The following SOX6 variants were observed in gnomAD, a reference collection of about 807,000 sequenced individuals.
SOX6 encodes transcription factor SOX-6.
Under a neutral mutation model 97.8 loss-of-function variants are expected in SOX6, and 11 were observed. That is an observed-to-expected ratio of 0.11 (90% CI 0.07 to 0.19). SOX6 has a LOEUF of 0.19. SOX6 is among the 10% of genes least tolerant of loss of function. The pLI is 1.00. For missense variants in SOX6, 810 were observed against 1,039.5 expected (o/e 0.78, Z 3.04); for synonymous variants, 360 against 371.4 (o/e 0.97, Z 0.35).
At chr11:16,074,889 C>T (rs1037907086) in intron 9 of SOX6, among the ~76,000 whole-genome samples, 1 of 151,854 alleles carries the variant, frequency 6.6e-6, no homozygotes, top group African/African-American at 2.4e-5. Context: ...CATATAGAAC[C>T]AAAAAAGAGC....
At chr11:15,977,692 A>G (rs957640073) in intron 15 of SOX6, among the ~76,000 whole-genome samples, 2 of 152,102 alleles carry the variant, frequency 1.3e-5, no homozygotes, top group Non-Finnish European at 1.5e-5. Context: ...ATACACTGCC[A>G]TACTTACTAG....
intron 9 of SOX6, among the ~76,000 whole-genome samples, chr11:16,073,831 CT>C (rs1848282547): frequency 6.6e-6 from 1 of 152,250 alleles, no homozygotes; most frequent in Non-Finnish European, 1.5e-5. Context: ...CAACATGCTC[CT>C]GGATGACTTT....
intron 9 of SOX6, among the ~76,000 whole-genome samples, chr11:16,081,650 G>A (rs953608218): frequency 8.5e-5 from 13 of 152,058 alleles, no homozygotes; most frequent in Admixed American, 6.6e-4. Flanking sequence ...TGGGTCAGAG[G>A]TTCAAATCAG....
At chr11:15,986,505 T>C in intron 14 of SOX6, 85 bp from the exon 15 acceptor site, 1 of 1,311,698 alleles carries the variant, frequency 7.6e-7, no homozygotes, top group Non-Finnish European at 1.1e-6. Flanking sequence ...TTCCCATCAC[T>C]TCACTCATCT....
chr11:16,350,134 T>C (rs2134356996), intron 1 of SOX6, among the ~76,000 whole-genome samples: 1 of 152,302 alleles, frequency 6.6e-6, no homozygotes, highest in Non-Finnish European at 1.5e-5. Flanking sequence ...AGAATACAAA[T>C]CCAGACATTA....
chr11:16,596,146 G>C (rs974619118), intron 4 of SOX6, among the ~76,000 whole-genome samples: 2 of 152,122 alleles, frequency 1.3e-5, no homozygotes, highest in Admixed American at 6.5e-5. Context: ...GATCATGCTT[G>C]TCCATTTTCT....
chr11:16,513,108 T>A (rs562063478), intron 4 of SOX6, among the ~76,000 whole-genome samples: 15 of 152,294 alleles, frequency 9.8e-5, no homozygotes, highest in Non-Finnish European at 2.2e-4. Flanking sequence ...CAACACATTG[T>A]TAGGTTAGAA....
At chr11:16,184,410 T>C (rs140108472) in intron 5 of SOX6, among the ~76,000 whole-genome samples, 38 of 152,258 alleles carry the variant, frequency 2.5e-4, no homozygotes, top group Admixed American at 4.6e-4. Flanking sequence ...TCAGAACTGA[T>C]ACATTTACAA....
chr11:16,128,824 T>C (rs1241211649), intron 6 of SOX6, among the ~76,000 whole-genome samples: 1 of 152,038 alleles, frequency 6.6e-6, no homozygotes, highest in Non-Finnish European at 1.5e-5. Context: ...AGTTCAGGAA[T>C]TTTCATTTTT....
At chr11:16,085,713 C>A (rs2133960956) in intron 9 of SOX6, among the ~76,000 whole-genome samples, 1 of 152,250 alleles carries the variant, frequency 6.6e-6, no homozygotes, top group South Asian at 2.1e-4. Flanking sequence ...ACATAAATGA[C>A]CATAATCTGT....
At chr11:16,426,908 C>T (rs1200407638) in intron 1 of SOX6, among the ~76,000 whole-genome samples, 6 of 83,296 alleles carry the variant, frequency 7.2e-5, no homozygotes, top group African/African-American at 2.7e-4. Context: ...AGCGAGACTC[C>T]GTCTCAAAAA....
At chr11:16,505,483 A>G (rs548647490) in intron 4 of SOX6, among the ~76,000 whole-genome samples, 1 of 152,308 alleles carries the variant, frequency 6.6e-6, no homozygotes, top group African/African-American at 2.4e-5. Flanking sequence ...TTAAAATGGA[A>G]GCAAAGTGGA....
At chr11:16,642,765 C>G (rs930239125) in intron 3 of SOX6, among the ~76,000 whole-genome samples, 15 of 152,216 alleles carry the variant, frequency 9.9e-5, no homozygotes, top group African/African-American at 3.4e-4. Flanking sequence ...TCAGCTCTAT[C>G]AGGTCCTTTA....
intron 2 of SOX6, among the ~76,000 whole-genome samples, chr11:16,319,678 T>G (rs1855855877): frequency 6.6e-6 from 1 of 152,090 alleles, no homozygotes; most frequent in Non-Finnish European, 1.5e-5. Context: ...GAACTCATCC[T>G]TTTTTATGGC....
At chr11:16,470,923 T>C (rs1248510255) in intron 1 of SOX6, among the ~76,000 whole-genome samples, 1 of 152,112 alleles carries the variant, frequency 6.6e-6, no homozygotes, top group African/African-American at 2.4e-5. Flanking sequence ...TAATCACTTT[T>C]TGTACCACAC....
rs374650823 is a variant in SOX6, at chr11:16,257,290, C to T, written c.446-22619G>A. Among the ~76,000 whole-genome samples the T allele has an allele frequency of 4.6e-5, 7 of 151,928 alleles. No homozygotes were observed. The East Asian group carries it at 7.7e-4, about 17-fold the overall frequency. On this transcript the variant is annotated intron_variant, in intron 3 of 15. Transcript: ENST00000683767. ...AAGAACAGCAAAGTCAGAAAACTGA[C>T]ACTATCCAACTTCAAGACTCAATAT...
In SOX6 at chr11:16,074,857, T is replaced by A. The variant is rs367591338; in HGVS notation, c.1102-18956A>T. Among the ~76,000 whole-genome samples the A allele has an allele frequency of 8.7e-4, 133 of 152,278 alleles. 1 individual carries two copies. The Middle Eastern group carries it at 0.01, about 12-fold the overall frequency. On this transcript the variant is annotated intron_variant, in intron 9 of 15. Transcript: ENST00000683767. ...CTATCAATGACATTCTTCATAGATA[T>A]AGAAACATCTATTTTAAAATTCATA...
At chr11:16,151,109 A>C (rs926335460) in intron 6 of SOX6, among the ~76,000 whole-genome samples, 1 of 152,176 alleles carries the variant, frequency 6.6e-6, no homozygotes, top group African/African-American at 2.4e-5. Flanking sequence ...CAAATGGGAA[A>C]TGGAAAATTT....
intron 6 of SOX6, among the ~76,000 whole-genome samples, chr11:16,117,616 A>T (rs998343376): frequency 6.6e-6 from 1 of 152,200 alleles, no homozygotes; most frequent in Non-Finnish European, 1.5e-5. Flanking sequence ...ACAAGGAAAG[A>T]GGCTTGGTGG....
Sources: allele counts gnomAD v4.1 joint callset (sites outside exome capture counted in the v4.1 genomes callset), GRCh38; gene constraint gnomAD v4.1.1; transcripts MANE v1.5; gene names NCBI Gene and HGNC (gene_info 2026-07-23, HGNC 2026-07-21).